The following PSD3 variants were observed in gnomAD, a reference collection of about 807,000 sequenced individuals.
PSD3 encodes PH and SEC7 domain-containing protein 3.
PSD3 carries 49 observed loss-of-function variants against 105.5 expected under a neutral mutation model. The observed-to-expected ratio is 0.46, with a 90% CI of 0.37 to 0.59. The LOEUF (loss-of-function observed/expected upper bound fraction) is 0.59. Among genes scored for constraint, PSD3 ranks in the 20% least tolerant of loss-of-function variants. PSD3 has a pLI of 0.00. For synonymous variants in PSD3, 557 were observed against 457.8 expected, an observed-to-expected ratio of 1.22 and a Z score of -2.77; for missense variants, 1,561 against 1,263.8, an observed-to-expected ratio of 1.24 and a Z score of -3.57.
chr8:18,603,827 T>G (rs1804613551), intron 11 of PSD3, among the ~76,000 whole-genome samples: 1 of 152,206 alleles, frequency 6.6e-6, no homozygotes, highest in Admixed American at 6.5e-5. Context: ...TCTGGCCATT[T>G]GAAGCCCTGT....
intron 15 of PSD3, among the ~76,000 whole-genome samples, chr8:18,555,464 G>T (rs976547634): frequency 6.6e-6 from 1 of 151,988 alleles, no homozygotes; most frequent in African/African-American, 2.4e-5. Flanking sequence ...CAAATTAGTC[G>T]ATAATTAATT....
At chr8:18,689,607 C>T (rs576779959) in intron 9 of PSD3, among the ~76,000 whole-genome samples, 1 of 152,290 alleles carries the variant, frequency 6.6e-6, no homozygotes, top group South Asian at 2.1e-4. Context: ...TTGTAACACT[C>T]AGTTAATTCA....
chr8:18,647,468 T>C (rs537355048), intron 10 of PSD3, among the ~76,000 whole-genome samples: 4 of 152,212 alleles, frequency 2.6e-5, no homozygotes, highest in African/African-American at 9.6e-5. Context: ...TATTCCACGA[T>C]GCAAAGTTGT....
chr8:19,057,652 G>A (rs1201474188), intron 1 of PSD3, among the ~76,000 whole-genome samples: 2 of 152,094 alleles, frequency 1.3e-5, no homozygotes, highest in Non-Finnish European at 2.9e-5. Flanking sequence ...AGCAACTAAA[G>A]AGTTATGCCC....
intron 1 of PSD3, among the ~76,000 whole-genome samples, chr8:19,049,247 G>T (rs1828431256): frequency 6.6e-6 from 1 of 152,186 alleles, no homozygotes; most frequent in Non-Finnish European, 1.5e-5. Context: ...AAAAGGAGGT[G>T]ATATCTTGCA....
At chr8:18,931,610 A>G (rs1420916323) in intron 2 of PSD3, among the ~76,000 whole-genome samples, 2 of 152,100 alleles carry the variant, frequency 1.3e-5, no homozygotes, top group Non-Finnish European at 2.9e-5. Flanking sequence ...ATTATAACAC[A>G]TTTCCTATGG....
At chr8:18,919,025 T>C (rs1820815150) in intron 2 of PSD3, among the ~76,000 whole-genome samples, 2 of 152,318 alleles carry the variant, frequency 1.3e-5, no homozygotes, top group Middle Eastern at 3.4e-3. Flanking sequence ...GTTTTGCCTC[T>C]TGGATTCTTT....
intron 1 of PSD3, among the ~76,000 whole-genome samples, chr8:19,023,346 C>G (rs1827424331): frequency 6.6e-6 from 1 of 152,126 alleles, no homozygotes; most frequent in African/African-American, 2.4e-5. Flanking sequence ...AGCCGTATTT[C>G]AAGTGTTCAG....
At chr8:18,777,135 TG>T (rs1303621296) in intron 8 of PSD3, among the ~76,000 whole-genome samples, 1 of 152,084 alleles carries the variant, frequency 6.6e-6, no homozygotes, top group Non-Finnish European at 1.5e-5. Flanking sequence ...CTCTGCCTCC[TG>T]GGTTCAAGCA....
intron 9 of PSD3, among the ~76,000 whole-genome samples, chr8:18,665,160 C>G (rs1307349795): frequency 2.0e-5 from 3 of 152,184 alleles, no homozygotes; most frequent in Non-Finnish European, 4.4e-5. Context: ...GCTGTAACTG[C>G]CATAGATAGC....
At chr8:18,831,126 T>A (rs1813646589) in intron 4 of PSD3, among the ~76,000 whole-genome samples, 1 of 136,940 alleles carries the variant, frequency 7.3e-6, no homozygotes, top group South Asian at 2.2e-4. Flanking sequence ...GGGGTAGGAG[T>A]GCACCTAAGT....
At chr8:18,578,040 T>C (rs1166881143) in intron 12 of PSD3, among the ~76,000 whole-genome samples, 3 of 152,136 alleles carry the variant, frequency 2.0e-5, no homozygotes, top group Non-Finnish European at 2.9e-5. Context: ...GTCTTCTTCA[T>C]TGGTTTTACT....
rs11450922 is a variant in PSD3 at position 18,970,324 on chromosome 8, C to CAAAAAA, written c.22-34188_22-34183dup. On this transcript the variant is annotated intron_variant, in intron 1 of 15. Coordinates refer to ENST00000327040, the MANE Select transcript of PSD3 (RefSeq NM_015310.4). The stretch of plus-strand genomic sequence containing the variant: ...TGGGCGACAGAGCAAGACTCTGCCT[C>CAAAAAA]AAAAAAAAAAAAAAAAAAAAAAAAC... Among the ~76,000 whole-genome samples the CAAAAAA allele has an allele frequency of 2.1e-3, 94 of 44,750 alleles. 1 individual carries two copies. The highest frequency in any genetic ancestry group is 4.5e-3 in the African/African-American group (49 of 10,800). The allele number at this position is 44,750 out of a possible 152,430, so 29.4% of individuals were successfully genotyped here.
At chr8:18,731,776 G>T (rs1383641981) in intron 9 of PSD3, among the ~76,000 whole-genome samples, 1 of 152,114 alleles carries the variant, frequency 6.6e-6, no homozygotes, top group African/African-American at 2.4e-5. Flanking sequence ...CTACCTTCCA[G>T]GTTTTCCTGG....
chr8:18,605,372 G>GC (rs1274425150), intron 11 of PSD3, among the ~76,000 whole-genome samples: 13 of 69,978 alleles, frequency 1.9e-4, no homozygotes, highest in South Asian at 7.7e-4. Flanking sequence ...GGAGCCTGTA[G>GC]CCCCTTTTTT....
intron 1 of PSD3, among the ~76,000 whole-genome samples, chr8:19,056,885 G>T (rs562431409): frequency 6.6e-6 from 1 of 152,176 alleles, no homozygotes; most frequent in African/African-American, 2.4e-5. Context: ...AGCTTGTTCT[G>T]CTCTAAAAAT....
chr8:18,812,792 G>A (rs537931117), intron 4 of PSD3, among the ~76,000 whole-genome samples: 20 of 152,196 alleles, frequency 1.3e-4, no homozygotes, highest in Non-Finnish European at 2.5e-4. Flanking sequence ...GTGCACTGCA[G>A]GGAATTCTCA....
At chr8:18,752,206 C>T (rs1444048212) in intron 9 of PSD3, among the ~76,000 whole-genome samples, 1 of 151,372 alleles carries the variant, frequency 6.6e-6, no homozygotes, top group East Asian at 1.9e-4. Context: ...CATATACTTA[C>T]ACACATTAAC....
At chr8:18,772,765 C>T (rs545120239) in intron 8 of PSD3, among the ~76,000 whole-genome samples, 44 of 152,310 alleles carry the variant, frequency 2.9e-4, no homozygotes, top group Admixed American at 5.9e-4. Flanking sequence ...CCACCTTGGC[C>T]TTCCAAAGTG....
Sources: gnomAD v4.1 joint callset for allele counts (sites outside exome capture counted in the v4.1 genomes callset) on GRCh38, gnomAD v4.1.1 for gene constraint, MANE v1.5 for transcripts, NCBI Gene and HGNC (gene_info 2026-07-23, HGNC 2026-07-21) for gene names.